MYO16: variants seen among roughly 807,000 people sequenced by gnomAD.
MYO16 encodes the protein myosin XVI, also known as unconventional myosin-XVI.
Under a neutral mutation model 205.3 loss-of-function variants are expected in MYO16, and 94 were observed. The observed-to-expected ratio is 0.46, with a 90% CI of 0.39 to 0.54. The LOEUF is 0.54. Among genes scored for constraint, MYO16 ranks in the 20% least tolerant of loss-of-function variants. MYO16 has a pLI of 0.00. For synonymous variants in MYO16, 988 were observed against 954.0 expected (o/e 1.04, Z -0.66); for missense variants, 2,315 against 2,387.5 (o/e 0.97, Z 0.63).
intron 21 of MYO16, among the ~76,000 whole-genome samples, chr13:108,995,085 C>T (rs952435724): frequency 2.0e-5 from 3 of 152,174 alleles, no homozygotes; most frequent in African/African-American, 7.2e-5. Flanking sequence ...TCAGTTCAGG[C>T]AGCTAGAACA....
chr13:108,688,015 A>G (rs1405354573), intron 2 of MYO16, among the ~76,000 whole-genome samples: 1 of 152,194 alleles, frequency 6.6e-6, no homozygotes, highest in Non-Finnish European at 1.5e-5. Context: ...GCTCAAAGCA[A>G]AATAACTTTG....
intron 16 of MYO16, among the ~76,000 whole-genome samples, chr13:108,926,142 C>A (rs1881990284): frequency 6.6e-6 from 1 of 152,174 alleles, no homozygotes. Flanking sequence ...TTGACAGAGG[C>A]CTTCCCAGAA....
chr13:108,767,206 C>CA (rs1227256557), intron 4 of MYO16, among the ~76,000 whole-genome samples: 2 of 152,026 alleles, frequency 1.3e-5, no homozygotes, highest in African/African-American at 4.8e-5. Context: ...GGGTTCACGC[C>CA]ATTCTCCTGC....
At chr13:108,624,853 A>T (rs1222562328), upstream of MYO16, among the ~76,000 whole-genome samples, 2 of 151,762 alleles carry the variant, frequency 1.3e-5, no homozygotes, top group African/African-American at 2.4e-5. Flanking sequence ...ATCAATGCAC[A>T]TGCATGTATT....
chr13:109,067,134 C>G (rs972897514), intron 27 of MYO16, among the ~76,000 whole-genome samples: 2 of 152,142 alleles, frequency 1.3e-5, no homozygotes, highest in African/African-American at 4.8e-5. Flanking sequence ...TGTGTACCTG[C>G]TGGGAGTCGG....
chr13:108,731,540 A>G (rs1884523180), intron 4 of MYO16, among the ~76,000 whole-genome samples: 3 of 152,224 alleles, frequency 2.0e-5, no homozygotes, highest in Admixed American at 2.0e-4. Context: ...TGAGGGGGAA[A>G]AAAACTAGTT....
At chr13:108,785,600 T>A (rs747924675) in intron 4 of MYO16, 35 bp from the exon 5 acceptor site, 9 of 1,302,056 alleles carry the variant, frequency 6.9e-6, no homozygotes, top group Non-Finnish European at 9.7e-6. Flanking sequence ...ATTTAAACAG[T>A]ATATATGATG....
At position 109,179,844 on chromosome 13, in the gene MYO16, C is replaced by G. The variant is rs1216122118; in HGVS notation, c.5415+211C>G. Among the ~76,000 whole-genome samples, 3 of 151,932 alleles carry G rather than the reference C, an allele frequency of 2.0e-5. No homozygotes were observed. The East Asian group carries it at 5.8e-4, about 29-fold the overall frequency. On this transcript the variant is annotated intron_variant, in intron 34 of 34. Coordinates refer to ENST00000457511, the MANE Select transcript of MYO16 (RefSeq NM_001198950.3). ...TTGTTTCCAAAATAAGGAATAATGT[C>G]CAAAACAACTAAAACATAATAGTTT...
intron 11 of MYO16, among the ~76,000 whole-genome samples, chr13:108,857,386 T>C (rs1429450016): frequency 6.6e-6 from 1 of 152,178 alleles, no homozygotes; most frequent in Non-Finnish European, 1.5e-5. Flanking sequence ...GAAAAGATGG[T>C]ACACTAGTGT....
intron 2 of MYO16, among the ~76,000 whole-genome samples, chr13:108,671,152 T>A (rs574104544): frequency 6.6e-6 from 1 of 152,344 alleles, no homozygotes; most frequent in African/African-American, 2.4e-5. Context: ...GTGTTTCTTT[T>A]TTGAATGGCA....
chr13:108,555,841 A>G, the MYO16 span, among the ~76,000 whole-genome samples: 2 of 152,182 alleles, frequency 1.3e-5, no homozygotes, highest in African/African-American at 2.4e-5. Context: ...AAGTGAGATC[A>G]TGTGGTATTT....
At chr13:109,198,585 C>T (rs1346743948) in intron 34 of MYO16, among the ~76,000 whole-genome samples, 6 of 152,172 alleles carry the variant, frequency 3.9e-5, no homozygotes, top group East Asian at 1.9e-4. Flanking sequence ...GGCCATAAAT[C>T]GTGAGAAGTG....
intron 27 of MYO16, among the ~76,000 whole-genome samples, chr13:109,060,605 A>G (rs1269664994): frequency 3.9e-5 from 6 of 152,184 alleles, no homozygotes; most frequent in Admixed American, 1.3e-4. Context: ...TACCTATGTA[A>G]CAAACCTGCA....
At chr13:108,764,572 A>G (rs1885718321) in intron 4 of MYO16, among the ~76,000 whole-genome samples, 1 of 152,182 alleles carries the variant, frequency 6.6e-6, no homozygotes, top group Non-Finnish European at 1.5e-5. Context: ...TGTGGTACGT[A>G]TCAGGGGAGA....
intron 14 of MYO16, among the ~76,000 whole-genome samples, chr13:108,894,574 G>A (rs751475018): frequency 6.6e-6 from 1 of 152,188 alleles, no homozygotes; most frequent in African/African-American, 2.4e-5. Context: ...AAGTGAGAGA[G>A]TGCAGCATTG....
intron 4 of MYO16, among the ~76,000 whole-genome samples, chr13:108,782,160 T>C (rs951379644): frequency 6.6e-6 from 1 of 152,184 alleles, no homozygotes; most frequent in Admixed American, 6.5e-5. Flanking sequence ...GTTTGGAACT[T>C]CCTAGAGACT....
At chr13:109,065,920 C>T (rs1217015233) in intron 27 of MYO16, among the ~76,000 whole-genome samples, 1 of 152,174 alleles carries the variant, frequency 6.6e-6, no homozygotes, top group Non-Finnish European at 1.5e-5. Context: ...TTGGAAAAGA[C>T]AGAAGGACTT....
intron 9 of MYO16, among the ~76,000 whole-genome samples, chr13:108,830,457 G>A (rs1458952250): frequency 1.1e-4 from 16 of 151,774 alleles, no homozygotes; most frequent in Non-Finnish European, 4.4e-5. Flanking sequence ...CATGTCCTTT[G>A]TAGGGACATG....
chr13:108,938,295 A>G (rs1882578549), intron 16 of MYO16, among the ~76,000 whole-genome samples: 1 of 152,144 alleles, frequency 6.6e-6, no homozygotes, highest in African/African-American at 2.4e-5. Flanking sequence ...ACATTCATAT[A>G]TACTTGCTTA....
Sources: gnomAD v4.1 joint callset for allele counts (sites outside exome capture counted in the v4.1 genomes callset) on GRCh38, gnomAD v4.1.1 for gene constraint, MANE v1.5 for transcripts, NCBI Gene and HGNC (gene_info 2026-07-23, HGNC 2026-07-21) for gene names.